FSTL5: variants seen among roughly 807,000 people sequenced by gnomAD.
The protein encoded by FSTL5 is follistatin-related protein 5.
A neutral mutation model predicts 89.1 loss-of-function variants in FSTL5; 62 were observed. The ratio of observed to expected loss-of-function variants is 0.70; its 90% CI spans 0.57 to 0.86. The LOEUF is 0.86. FSTL5 is among the 40% of genes least tolerant of loss of function. FSTL5 has a pLI of 0.00. For synonymous variants in FSTL5, 383 were observed against 346.2 expected (o/e 1.11, Z -1.18); for missense variants, 1,057 against 1,001.6 (o/e 1.06, Z -0.75).
chr4:161,647,520 TA>T (rs56699988), intron 7 of FSTL5, among the ~76,000 whole-genome samples: 150 of 146,036 alleles, frequency 1.0e-3, no homozygotes, highest in African/African-American at 1.1e-3. Flanking sequence ...TTATTTCGTT[TA>T]AAAAAAAAAA....
chr4:162,163,738 C>G lies in FSTL5; in HGVS notation c.-140G>C, dbSNP rs536364430. 3 of 151,792 alleles carry G rather than the reference C, an allele frequency of 2.0e-5. No individual in the cohort carries two copies. The highest frequency in any genetic ancestry group is 4.4e-5 in the Non-Finnish European group (3 of 67,940). 9.4% of individuals were successfully genotyped at this position (151,792 alleles called of 1,614,324 possible). A position where few individuals can be genotyped will look rare whatever the true frequency, so the allele number is the denominator to read the frequency against. ...GCTGGGGAAAAAAAAATAGTTTGGT[C>G]TAAAACTATAGAAATCTCCAAAGTC... On this transcript the variant is annotated 5_prime_UTR_variant, in exon 1 of 16. Coordinates refer to ENST00000306100, the MANE Select transcript of FSTL5 (RefSeq NM_020116.5).
chr4:162,137,823 A>G (rs1027349231), intron 1 of FSTL5, among the ~76,000 whole-genome samples: 6 of 152,202 alleles, frequency 3.9e-5, no homozygotes, highest in East Asian at 1.9e-4. Flanking sequence ...TCGAAAAGCA[A>G]TATCATAGCT....
chr4:161,569,942 G>C (rs1389580589), intron 8 of FSTL5, among the ~76,000 whole-genome samples: 2 of 152,156 alleles, frequency 1.3e-5, no homozygotes, highest in Non-Finnish European at 2.9e-5. Context: ...ACCTCAGGGA[G>C]GGAGGAGAAA....
intron 3 of FSTL5, among the ~76,000 whole-genome samples, chr4:161,964,168 G>A (rs1429990495): frequency 6.6e-6 from 1 of 151,858 alleles, no homozygotes; most frequent in Non-Finnish European, 1.5e-5. Flanking sequence ...CTAAATTGAG[G>A]TGGCTTTTAT....
At chr4:161,454,632 A>G (rs1202937151) in intron 15 of FSTL5, among the ~76,000 whole-genome samples, 1 of 152,210 alleles carries the variant, frequency 6.6e-6, no homozygotes, top group Non-Finnish European at 1.5e-5. Flanking sequence ...TTCAGTTAAC[A>G]TTCTCTCCAT....
chr4:162,074,412 A>AT (rs1273018592), intron 2 of FSTL5, among the ~76,000 whole-genome samples: 4 of 151,430 alleles, frequency 2.6e-5, no homozygotes, highest in Admixed American at 6.6e-5. Flanking sequence ...TGATCAAAGG[A>AT]TTTTTTCACT....
chr4:161,848,286 A>G (rs1172964474), intron 4 of FSTL5, among the ~76,000 whole-genome samples: 3 of 152,122 alleles, frequency 2.0e-5, no homozygotes, highest in Admixed American at 6.6e-5. Context: ...TCAGCCTTAT[A>G]ACTTTCAGGA....
chr4:161,403,012 G>A (rs1335549790), intron 15 of FSTL5, among the ~76,000 whole-genome samples: 3 of 151,852 alleles, frequency 2.0e-5, no homozygotes, highest in African/African-American at 2.4e-5. Flanking sequence ...TGTATTTTTA[G>A]TAGAGACGGG....
intron 3 of FSTL5, among the ~76,000 whole-genome samples, chr4:161,981,159 T>C (rs1735817548): frequency 6.6e-6 from 1 of 152,156 alleles, no homozygotes; most frequent in East Asian, 1.9e-4. Context: ...TACCTATTGC[T>C]GAAAAGTCAG....
intron 7 of FSTL5, among the ~76,000 whole-genome samples, chr4:161,595,172 A>G (rs1202207927): frequency 1.3e-5 from 2 of 152,018 alleles, no homozygotes; most frequent in African/African-American, 4.8e-5. Context: ...CCTACTCTTT[A>G]CCTCCATCCT....
intron 7 of FSTL5, among the ~76,000 whole-genome samples, chr4:161,634,229 A>G (rs996661484): frequency 6.6e-6 from 1 of 152,190 alleles, no homozygotes; most frequent in South Asian, 2.1e-4. Context: ...TGAACAGGAG[A>G]GATAATAATA....
intron 13 of FSTL5, among the ~76,000 whole-genome samples, chr4:161,480,428 A>C (rs1729457311): frequency 6.6e-6 from 1 of 152,344 alleles, no homozygotes; most frequent in East Asian, 1.9e-4. Context: ...AACTGATTTC[A>C]GGTAAAGAGC....
At chr4:161,613,493 T>C (rs1342043557) in intron 7 of FSTL5, among the ~76,000 whole-genome samples, 2 of 151,078 alleles carry the variant, frequency 1.3e-5, no homozygotes, top group Non-Finnish European at 1.5e-5. Context: ...TAATAAGTAC[T>C]CAATAGTTGG....
At position 161,656,684 on chromosome 4, in the gene FSTL5, C is replaced by A. The variant is rs537499303; in HGVS notation, c.728-190G>T. 2.6e-4 allele frequency among the ~76,000 whole-genome samples: 40 copies of A among 152,266 alleles called. 1 individual carries two copies. The highest frequency in any genetic ancestry group is 9.6e-4 in the African/African-American group (40 of 41,582). On this transcript the variant is annotated intron_variant, in intron 6 of 15. Transcript: ENST00000306100. ...ATGACATTTCAATTTAATTGATTGA[C>A]AAGCATCCTCATGAGGCACAGAACT...
intron 15 of FSTL5, among the ~76,000 whole-genome samples, chr4:161,447,153 G>A (rs1732971689): frequency 6.6e-6 from 1 of 151,954 alleles, no homozygotes; most frequent in African/African-American, 2.4e-5. Context: ...CTGCAATGTG[G>A]AGTGTTTCTA....
intron 6 of FSTL5, chr4:161,665,009 C>T (rs1279368685): frequency 6.5e-6 from 1 of 153,600 alleles, no homozygotes; most frequent in African/African-American, 2.4e-5. Flanking sequence ...TTACCTCCCC[C>T]TGGGTCCCTC....
chr4:161,386,032 T>C lies in FSTL5; in HGVS notation c.2259A>G (p.Gln753=), dbSNP rs781376482. ...AFQPSFTEAH[Q]YNIYGSSSTQ... is the part of the protein sequence containing the mutation. ...TGCTTGAACTACCGTAGATGTTATA[T>C]TGGTGGGCTTCAGTAAAGGATGGTT... The change falls in exon 16 of 16, where the codon CAA becomes CAG. Residue 753 remains glutamine, a synonymous_variant. Transcript: ENST00000306100. The C allele has an allele frequency of 3.1e-6, 5 of 1,614,102 alleles. No individual in the cohort carries two copies. The South Asian group carries it at 4.4e-5, about 14-fold the overall frequency.
At chr4:161,685,406 G>C (rs1449420142) in intron 6 of FSTL5, among the ~76,000 whole-genome samples, 1 of 152,090 alleles carries the variant, frequency 6.6e-6, no homozygotes, top group Admixed American at 6.5e-5. Flanking sequence ...ATTTGTTTGT[G>C]TCATCCATGA....
At chr4:161,449,144 A>G (rs1349858792) in intron 15 of FSTL5, among the ~76,000 whole-genome samples, 6 of 152,108 alleles carry the variant, frequency 3.9e-5, no homozygotes, top group Non-Finnish European at 7.4e-5. Context: ...TGTGATTTAG[A>G]AATATCTCTA....
Sources: allele counts gnomAD v4.1 joint callset (sites outside exome capture counted in the v4.1 genomes callset), GRCh38; gene constraint gnomAD v4.1.1; transcripts MANE v1.5; gene names NCBI Gene and HGNC (gene_info 2026-07-23, HGNC 2026-07-21).